Variants in ZNF624 observed in about 807,000 individuals in gnomAD.
The protein encoded by ZNF624 is zinc finger protein 624.
A neutral mutation model predicts 74.7 loss-of-function variants in ZNF624; 43 were observed. The ratio of observed to expected loss-of-function variants is 0.58; its 90% CI spans 0.45 to 0.74. ZNF624 has a LOEUF of 0.74. Ranked by LOEUF, ZNF624 falls within the 30% of genes least tolerant of loss-of-function variation. The pLI is 0.00. For synonymous variants in ZNF624, 331 were observed against 341.3 expected (o/e 0.97, Z 0.33); for missense variants, 820 against 1,030.0 (o/e 0.80, Z 2.79).
At chr17:16,617,602 G>A, downstream of ZNF624, 3 of 1,591,884 alleles carry the variant, frequency 1.9e-6, no homozygotes, top group African/African-American at 2.7e-5. Context: ...AGATGTCTCC[G>A]ACTGCTGTAT....
intron 3 of ZNF624, among the ~76,000 whole-genome samples, chr17:16,638,420 T>C (rs1909386079): frequency 6.6e-6 from 1 of 152,260 alleles, no homozygotes; most frequent in Middle Eastern, 3.4e-3. Flanking sequence ...CACACGTATG[T>C]TTACTGCGGC....
intron 5 of ZNF624, among the ~76,000 whole-genome samples, chr17:16,632,933 C>A (rs1909239657): frequency 6.6e-6 from 1 of 152,210 alleles, no homozygotes; most frequent in South Asian, 2.1e-4. Context: ...GAACACATGG[C>A]ATTCTCTGCT....
intron 1 of ZNF624, among the ~76,000 whole-genome samples, chr17:16,651,429 CAAA>C (rs34186812): frequency 5.9e-5 from 5 of 84,382 alleles, no homozygotes; most frequent in Non-Finnish European, 8.0e-5. Context: ...GACTCCATCT[CAAA>C]AAAAAAAAAA....
chr17:16,647,939 T>G lies in ZNF624; in HGVS notation c.88-545A>C, dbSNP rs564730684. 5.3e-5 allele frequency among the ~76,000 whole-genome samples: 8 copies of G among 152,074 alleles called. No individual in the cohort carries two copies. In the South Asian group the frequency reaches 1.5e-3, roughly 28 times the overall value. On this transcript the variant is annotated intron_variant, in intron 2 of 5. Coordinates refer to ENST00000311331, the MANE Select transcript of ZNF624 (RefSeq NM_020787.4). The stretch of plus-strand genomic sequence containing the variant: ...TATTTATTTATTTTTATTTTTATTT[T>G]TTATTTTTTTTGAGACAGAGTCTTA...
chr17:16,633,657 G>A (rs1386774756), intron 5 of ZNF624, among the ~76,000 whole-genome samples: 1 of 152,166 alleles, frequency 6.6e-6, no homozygotes, highest in Non-Finnish European at 1.5e-5. Context: ...AGAATAGGAT[G>A]AGATGTTTCC....
chr17:16,644,543 G>A (rs541912274), intron 3 of ZNF624, among the ~76,000 whole-genome samples: 1 of 152,196 alleles, frequency 6.6e-6, no homozygotes, highest in South Asian at 2.1e-4. Flanking sequence ...ATACACTGAT[G>A]CATACAATGG....
rs1367225914 is a variant in ZNF624 at position 16,621,210 on chromosome 17, C to A, written c.*1078G>T. 2.0e-5 allele frequency: 3 copies of A among 152,190 alleles called. No individual in the cohort carries two copies. The highest frequency in any genetic ancestry group is 7.2e-5 in the African/African-American group (3 of 41,450). 9.4% of individuals were successfully genotyped at this position (152,190 alleles called of 1,614,324 possible). On this transcript the variant is annotated 3_prime_UTR_variant, in exon 6 of 6. Coordinates refer to ENST00000311331, the MANE Select transcript of ZNF624 (RefSeq NM_020787.4). Reference sequence around the variant, plus strand: ...GTGGAAATACATTGAAATCAGCTAGCATAGATATAAGTCGTTTTTAAAATT... The same window carrying A: ...GTGGAAATACATTGAAATCAGCTAGAATAGATATAAGTCGTTTTTAAAATT...
chr17:16,647,528 G>A, intron 2 of ZNF624, 134 bp from the exon 3 acceptor site: 2 of 678,908 alleles, frequency 2.9e-6, no homozygotes, highest in Non-Finnish European at 5.4e-6. Flanking sequence ...ACTTAGGGCT[G>A]AAATCAAAGT....
At chr17:16,616,996 C>A (rs1244214854), downstream of ZNF624, 2 of 1,606,364 alleles carry the variant, frequency 1.2e-6, no homozygotes, top group South Asian at 1.1e-5. Flanking sequence ...GGACTGGCTC[C>A]TTGATCTGGA....
At chr17:16,637,920 G>A (rs1481988869) in intron 3 of ZNF624, among the ~76,000 whole-genome samples, 379 of 152,060 alleles carry the variant, frequency 2.5e-3, no homozygotes, top group Non-Finnish European at 3.9e-3. Flanking sequence ...TACCATCAGA[G>A]TGAACAGGCA....
intron 3 of ZNF624, 62 bp from the exon 4 acceptor site, chr17:16,634,818 T>C (rs890131780): frequency 8.6e-6 from 13 of 1,520,144 alleles, no homozygotes; most frequent in African/African-American, 4.2e-5. Flanking sequence ...GGCAGAATTA[T>C]ACATAAAAAA....
In ZNF624 at chr17:16,636,618, C is replaced by T. The variant is rs1047655989; in HGVS notation, c.154-1862G>A. On this transcript the variant is annotated intron_variant, in intron 3 of 5. Coordinates refer to ENST00000311331, the MANE Select transcript of ZNF624 (RefSeq NM_020787.4). ...TTAGGAGGCCAAGGCGGGCGGATCA[C>T]GAGGTCAGGAGATCGAGACCATTCT... 5.9e-5 allele frequency among the ~76,000 whole-genome samples: 9 copies of T among 152,242 alleles called. No homozygotes were observed. The South Asian group carries it at 8.3e-4, about 14-fold the overall frequency.
Position 16,621,223 on chromosome 17 carries a change from C to G in ZNF624, c.*1065G>C, listed in dbSNP as rs1252496951. Reference sequence around the variant, plus strand: ...GAAATCAGCTAGCATAGATATAAGTCGTTTTTAAAATTACTCTCACACTGT... The same window carrying G: ...GAAATCAGCTAGCATAGATATAAGTGGTTTTTAAAATTACTCTCACACTGT... On this transcript the variant is annotated 3_prime_UTR_variant, in exon 6 of 6. Transcript: ENST00000311331. 6.6e-6 allele frequency: 1 copy of G among 152,226 alleles called. No individual in the cohort carries two copies. The highest frequency in any genetic ancestry group is 1.9e-4 in the East Asian group (1 of 5,206). 9.4% of individuals were successfully genotyped at this position (152,226 alleles called of 1,614,324 possible). A position where few individuals can be genotyped will look rare whatever the true frequency, so the allele number is the denominator to read the frequency against.
chr17:16,615,108 T>A, the ZNF624 span, among the ~76,000 whole-genome samples: 1 of 152,104 alleles, frequency 6.6e-6, no homozygotes, highest in South Asian at 2.1e-4. Context: ...GCTTTCTTTT[T>A]TATTTTGGAG....
Position 16,622,887 on chromosome 17 carries a change from GT to G in ZNF624, c.1998del (p.Lys666AsnfsTer130). ...IVHQRTHTGE[K>X]PYKCNECEKA... ...TTCTCACATTCATTACATTTATATG[GT>G]TTTTCTCCAGTATGGGTCCTCTGAT... On this transcript the variant is annotated frameshift_variant, in exon 6 of 6. Coordinates refer to ENST00000311331, the MANE Select transcript of ZNF624 (RefSeq NM_020787.4). LOFTEE classifies it high-confidence loss of function. 2 of 1,613,930 alleles carry G rather than the reference GT, an allele frequency of 1.2e-6. No individual in the cohort carries two copies. The highest frequency in any genetic ancestry group is 1.7e-6 in the Non-Finnish European group (2 of 1,179,940).
In ZNF624 at chr17:16,649,366, T is replaced by TA. The variant is rs1341497950; in HGVS notation, c.87+291dup. The stretch of plus-strand genomic sequence containing the variant: ...TCCATTTTGCTGTCCCACAAATAAC[T>TA]AAAATTTCCTGGGAACAATACAAAT... On this transcript the variant is annotated intron_variant, in intron 2 of 5. Transcript: ENST00000311331. Among the ~76,000 whole-genome samples, 6 of 152,324 alleles carry TA rather than the reference T, an allele frequency of 3.9e-5. No individual in the cohort carries two copies. In the East Asian group the frequency reaches 1.2e-3, roughly 29 times the overall value.
At chr17:16,617,159 T>C, downstream of ZNF624, 2 of 1,612,946 alleles carry the variant, frequency 1.2e-6, no homozygotes, top group East Asian at 4.5e-5. Context: ...GATCTAGATT[T>C]CCTGCCTTTT....
In ZNF624 at chr17:16,634,770, A is replaced by G. The variant is rs1309487044; in HGVS notation, c.154-14T>C. 1.2e-6 allele frequency: 2 copies of G among 1,607,580 alleles called. No individual in the cohort carries two copies. Among genetic ancestry groups the G allele is most frequent in the Admixed American group, 1.7e-5 (1 of 58,658 alleles). The stretch of plus-strand genomic sequence containing the variant: ...TGTCACCGATTCCTAAAACAATTAC[A>G]TTGTGATCACTTAGAAACTATACAA... On this transcript the variant is annotated splice_polypyrimidine_tract_variant and intron_variant, in intron 3 of 5. Coordinates refer to ENST00000311331, the MANE Select transcript of ZNF624 (RefSeq NM_020787.4).
chr17:16,619,842 C>T (rs911909799), downstream of ZNF624, among the ~76,000 whole-genome samples: 2 of 152,176 alleles, frequency 1.3e-5, no homozygotes, highest in East Asian at 1.9e-4. Context: ...AGTGAGGATT[C>T]GGAGGCAGAA....
Sources: allele counts gnomAD v4.1 joint callset (sites outside exome capture counted in the v4.1 genomes callset), GRCh38; gene constraint gnomAD v4.1.1; transcripts MANE v1.5; gene names NCBI Gene and HGNC (gene_info 2026-07-23, HGNC 2026-07-21).